FRMPD2: variants seen among roughly 807,000 people sequenced by gnomAD.
FRMPD2 encodes FERM and PDZ domain-containing protein 2.
In FRMPD2, 96 loss-of-function variants were observed where a neutral mutation model predicts 140.1. That is an observed-to-expected ratio of 0.69 (90% CI 0.58 to 0.81). The LOEUF (loss-of-function observed/expected upper bound fraction) is 0.81. FRMPD2 is among the 40% of genes least tolerant of loss of function. The pLI is 0.00. For synonymous variants in FRMPD2, 449 were observed against 547.6 expected (o/e 0.82, Z 2.52); for missense variants, 1,240 against 1,447.4 (o/e 0.86, Z 2.32).
intron 1 of FRMPD2, among the ~76,000 whole-genome samples, chr10:48,272,205 C>CT (rs11445513): frequency 0.27 from 41,036 of 152,054 alleles, 9,690 homozygotes; most frequent in African/African-American, 0.62. Context: ...CTAATTCTTC[C>CT]TTCGTGCCCC....
intron 1 of FRMPD2, among the ~76,000 whole-genome samples, chr10:48,262,965 A>G (rs1250647119): frequency 6.6e-6 from 1 of 152,022 alleles, no homozygotes; most frequent in Non-Finnish European, 1.5e-5. Flanking sequence ...TCTCATGGAG[A>G]TTTGGTTCTG....
intron 1 of FRMPD2, among the ~76,000 whole-genome samples, chr10:48,254,770 C>G (rs1840455537): frequency 6.6e-6 from 1 of 152,202 alleles, no homozygotes; most frequent in African/African-American, 2.4e-5. Flanking sequence ...AGTGACTTGG[C>G]CAGTGTCACA....
At chr10:48,256,611 C>A (rs1398198345) in intron 1 of FRMPD2, among the ~76,000 whole-genome samples, 1 of 152,104 alleles carries the variant, frequency 6.6e-6, no homozygotes, top group African/African-American at 2.4e-5. Context: ...AGAGGTTGGA[C>A]CAAGGTCTCA....
At chr10:48,267,964 T>G (rs773783963) in intron 1 of FRMPD2, among the ~76,000 whole-genome samples, 28 of 152,108 alleles carry the variant, frequency 1.8e-4, no homozygotes, top group Non-Finnish European at 3.4e-4. Flanking sequence ...AGGCAGAAAG[T>G]AGGTTTAGGT....
In FRMPD2 at chr10:48,249,095, T is replaced by C. The variant is rs779862458; in HGVS notation, c.235A>G (p.Ile79Val). 6 of 1,613,992 alleles carry C rather than the reference T, an allele frequency of 3.7e-6. No individual in the cohort carries two copies. The highest frequency in any genetic ancestry group is 1.1e-5 in the South Asian group (1 of 91,064). The part of the protein sequence containing the change: ...SLSFQGRVSH[I>V]EAAPFKAPEL... ...GGGGCCTTGAAAGGAGCAGCCTCTA[T>C]ATGAGAAACACGGCCTTGGAAAGAA... The change falls in exon 3 of 29, where the codon ATA (isoleucine) becomes GTA (valine). Residue 79 changes from isoleucine (I) to valine (V), a missense_variant. Ile to Val is a conservative substitution (Grantham distance 29). This residue lies in a region of FRMPD2 where 1,161 missense variants were observed against 1,055.9 expected (regional missense o/e 1.10). Transcript: ENST00000374201.
chr10:48,204,947 C>A (rs1206481208), intron 14 of FRMPD2, among the ~76,000 whole-genome samples: 4 of 152,172 alleles, frequency 2.6e-5, no homozygotes, highest in Admixed American at 6.5e-5. Flanking sequence ...GAAATGTCAT[C>A]TTTCTCTATT....
rs1038722697 is a variant in FRMPD2, at chr10:48,257,115, C to T, written c.26-5424G>A. Among the ~76,000 whole-genome samples, 264 of 152,136 alleles carry T rather than the reference C, an allele frequency of 1.7e-3. 1 individual carries two copies. Among genetic ancestry groups the T allele is most frequent in the African/African-American group, 6.0e-3 (251 of 41,532 alleles). On this transcript the variant is annotated intron_variant, in intron 1 of 28. Coordinates refer to ENST00000374201, the MANE Select transcript of FRMPD2 (RefSeq NM_001018071.4). ...TCTGCCCGCATTCCTCAGCTATGGC[C>T]ACATCACTCCAATCTCTGCCTCTGT...
intron 15 of FRMPD2, among the ~76,000 whole-genome samples, chr10:48,195,243 C>T (rs1347949027): frequency 6.6e-6 from 1 of 152,178 alleles, no homozygotes; most frequent in East Asian, 1.9e-4. Flanking sequence ...GAGCAAAGGC[C>T]CATGGGCCCC....
chr10:48,271,609 G>A (rs1180248205), intron 1 of FRMPD2, among the ~76,000 whole-genome samples: 2 of 152,012 alleles, frequency 1.3e-5, no homozygotes, highest in African/African-American at 2.4e-5. Flanking sequence ...GCAAATACAG[G>A]AATAAGGAGG....
chr10:48,223,919 A>G (rs1219431458), intron 10 of FRMPD2, among the ~76,000 whole-genome samples: 1 of 152,228 alleles, frequency 6.6e-6, no homozygotes, highest in Admixed American at 6.5e-5. Context: ...GGACCCCACC[A>G]GGAATGGAAA....
intron 5 of FRMPD2, chr10:48,241,947 A>G: frequency 2.7e-6 from 1 of 370,084 alleles, no homozygotes; most frequent in Middle Eastern, 7.3e-4. Flanking sequence ...GCACTGCCCA[A>G]TAGAACTGCA....
Position 48,249,133 on chromosome 10 carries a change from G to T in FRMPD2, c.197C>A (p.Ala66Glu), listed in dbSNP as rs773667739. Residue 66 changes from alanine (A) to glutamate (E), a missense_variant, in exon 3 of 29, where the codon GCA becomes GAA. Coordinates refer to ENST00000374201, the MANE Select transcript of FRMPD2 (RefSeq NM_001018071.4). ...GCCTTGGAAAGAAAGGCTTCCAGCT[G>T]CAGAAAGCAGGGCTGACCAGGGGCA... ...VVCPWSALLS[A>E]AGSLSFQGRV... 6.2e-7 allele frequency: 1 copy of T among 1,614,128 alleles called. No individual in the cohort carries two copies. Among genetic ancestry groups the T allele is most frequent in the Non-Finnish European group, 8.5e-7 (1 of 1,179,996 alleles).
chr10:48,266,494 C>T (rs545832007), intron 1 of FRMPD2, among the ~76,000 whole-genome samples: 2 of 152,146 alleles, frequency 1.3e-5, no homozygotes, highest in African/African-American at 4.8e-5. Flanking sequence ...AAAGAATACA[C>T]GAATAGATTA....
rs1388040337 is a variant in FRMPD2, at chr10:48,170,909, A to G, written c.3438+85T>C. The G allele has an allele frequency of 6.4e-6, 6 of 936,760 alleles. No individual in the cohort carries two copies. The Admixed American group carries it at 6.8e-5, about 11-fold the overall frequency. The allele number at this position is 936,760 out of a possible 1,614,324, so 58.0% of individuals were successfully genotyped here. A position where few individuals can be genotyped will look rare whatever the true frequency, so the allele number is the denominator to read the frequency against. The stretch of plus-strand genomic sequence containing the variant: ...GCTGGTATGATTTTTGAGAGCCCAG[A>G]GTTTTCCCCACGGCAGCAGGCTAGT... On this transcript the variant is annotated intron_variant, in intron 26 of 28. Transcript: ENST00000374201.
intron 15 of FRMPD2, among the ~76,000 whole-genome samples, chr10:48,197,930 G>C (rs1440983783): frequency 6.6e-6 from 1 of 152,158 alleles, no homozygotes; most frequent in Non-Finnish European, 1.5e-5. Flanking sequence ...CCATAATGCT[G>C]GTACCTGCCT....
At chr10:48,265,744 G>A (rs1163139397) in intron 1 of FRMPD2, among the ~76,000 whole-genome samples, 1 of 152,084 alleles carries the variant, frequency 6.6e-6, no homozygotes, top group Admixed American at 6.6e-5. Context: ...CAGAGAAAAG[G>A]GAATATTAAT....
chr10:48,257,876 A>T (rs1840517714), intron 1 of FRMPD2, among the ~76,000 whole-genome samples: 1 of 152,220 alleles, frequency 6.6e-6, no homozygotes, highest in Non-Finnish European at 1.5e-5. Flanking sequence ...CCATCCAGAA[A>T]GGGATTTTAA....
At chr10:48,239,571 A>C (rs768718914) in intron 7 of FRMPD2, 34 bp downstream of exon 7, 3 of 1,528,666 alleles carry the variant, frequency 2.0e-6, no homozygotes, top group Admixed American at 1.7e-5. Context: ...GTCTCACATC[A>C]AGTTCACAGC....
At chr10:48,183,080 A>AG in intron 20 of FRMPD2, among the ~76,000 whole-genome samples, 1 of 152,294 alleles carries the variant, frequency 6.6e-6, no homozygotes, top group African/African-American at 2.4e-5. Context: ...TGGACAGGGG[A>AG]GCTGCATGGC....
Sources: gnomAD v4.1 joint callset for allele counts (sites outside exome capture counted in the v4.1 genomes callset) on GRCh38, gnomAD v4.1.1 for gene constraint, gnomAD v4.1.1 regional missense constraint, MANE v1.5 for transcripts, NCBI Gene and HGNC (gene_info 2026-07-23, HGNC 2026-07-21) for gene names.